The following SHCBP1L variants were observed in gnomAD, a reference collection of about 807,000 sequenced individuals.
SHCBP1L encodes testicular spindle-associated protein SHCBP1L.
In SHCBP1L, 67 loss-of-function variants were observed where a neutral mutation model predicts 62.5. That is an observed-to-expected ratio of 1.07 (90% CI 0.88 to 1.31). The LOEUF (loss-of-function observed/expected upper bound fraction) is 1.31. SHCBP1L is among the 40% of genes most tolerant of loss of function. The pLI is 0.00. For synonymous variants in SHCBP1L, 284 were observed against 289.4 expected, an observed-to-expected ratio of 0.98 and a Z score of 0.19; for missense variants, 823 against 809.8, an observed-to-expected ratio of 1.02 and a Z score of -0.20.
intron 7 of SHCBP1L, 56 bp downstream of exon 7, chr1:182,905,440 A>C (rs1237738762): frequency 2.6e-6 from 4 of 1,515,322 alleles, no homozygotes; most frequent in Middle Eastern, 3.5e-4. Context: ...TTTAGAATAC[A>C]CAATTTGTCC....
At chr1:182,940,653 G>C (rs1651331103) in intron 2 of SHCBP1L, 110 bp from the exon 3 acceptor site, 1 of 818,258 alleles carries the variant, frequency 1.2e-6, no homozygotes. Flanking sequence ...TTAAATTTAT[G>C]ACTTCTTCAA....
intron 6 of SHCBP1L, among the ~76,000 whole-genome samples, chr1:182,924,792 G>A (rs534263116): frequency 2.2e-4 from 25 of 115,794 alleles, no homozygotes; most frequent in South Asian, 6.3e-4. Flanking sequence ...AAGAAAGAGA[G>A]AAAGAAAGGA....
chr1:182,902,051 CTTTTTTTTTCTTTT>C (rs1649857582), intron 9 of SHCBP1L, among the ~76,000 whole-genome samples: 1 of 142,284 alleles, frequency 7.0e-6, no homozygotes, highest in Admixed American at 7.0e-5. Flanking sequence ...TTTTTTCTTT[CTTTTTTTTTCTTTT>C]TTTTTTTTTT....
At chr1:182,908,686 C>T (rs1650090384) in intron 6 of SHCBP1L, among the ~76,000 whole-genome samples, 1 of 152,160 alleles carries the variant, frequency 6.6e-6, no homozygotes, top group Non-Finnish European at 1.5e-5. Context: ...TATGAAAATA[C>T]TATAACAGAT....
intron 8 of SHCBP1L, 131 bp from the exon 9 acceptor site, chr1:182,903,292 T>C (rs1649901155): frequency 1.1e-5 from 7 of 609,846 alleles, no homozygotes; most frequent in South Asian, 4.6e-5. Context: ...TACGTGATCA[T>C]GCATGCAACT....
At chr1:182,936,073 T>C (rs1475241019) in intron 5 of SHCBP1L, among the ~76,000 whole-genome samples, 1 of 151,912 alleles carries the variant, frequency 6.6e-6, no homozygotes, top group Non-Finnish European at 1.5e-5. Flanking sequence ...GTCCTTTGTT[T>C]CCTTTTTCCC....
chr1:182,922,924 G>T (rs1328753727), intron 6 of SHCBP1L, among the ~76,000 whole-genome samples: 1 of 152,118 alleles, frequency 6.6e-6, no homozygotes, highest in Non-Finnish European at 1.5e-5. Context: ...ATGAATTTGA[G>T]ATGTGAAAAA....
At chr1:182,924,977 A>AGAAAGAAAG (rs1553245973) in intron 6 of SHCBP1L, among the ~76,000 whole-genome samples, 81 of 140,618 alleles carry the variant, frequency 5.8e-4, no homozygotes, top group South Asian at 2.2e-3. Flanking sequence ...AAAGAAAGAA[A>AGAAAGAAAG]AAAAAAGGAA....
In SHCBP1L at chr1:182,952,738, C is replaced by A. The variant is rs1325876958; in HGVS notation, c.396G>T (p.Gln132His). The A allele has an allele frequency of 6.2e-6, 10 of 1,609,350 alleles. No individual in the cohort carries two copies. Among genetic ancestry groups the A allele is most frequent in the Non-Finnish European group, 8.5e-6 (10 of 1,178,126 alleles). Reference sequence around the variant, plus strand: ...TCCCGGATCCGCTCACCTTACAGTCCTGCAGCACTTCGTCGCAATACAGCG... The same window carrying A: ...TCCCGGATCCGCTCACCTTACAGTCATGCAGCACTTCGTCGCAATACAGCG... ...KVSLYCDEVL[Q>H]DCKAEDADEV... Residue 132 changes from glutamine to histidine, a missense_variant, in exon 1 of 10, where the codon CAG becomes CAT. Physicochemically the swap from Gln to His is conservative, Grantham distance 24 (BLOSUM62 0). Coordinates refer to ENST00000367547, the MANE Select transcript of SHCBP1L (RefSeq NM_030933.4).
intron 5 of SHCBP1L, among the ~76,000 whole-genome samples, chr1:182,930,699 G>A (rs867568997): frequency 0.055 from 3,235 of 58,732 alleles, 312 homozygotes; most frequent in African/African-American, 0.16. Context: ...GTGTGTGTGT[G>A]TGTGTATATA....
In SHCBP1L at chr1:182,945,057, G is replaced by A. The variant is rs141897215; in HGVS notation, c.556-4514C>T. 5.2e-3 allele frequency among the ~76,000 whole-genome samples: 768 copies of A among 146,522 alleles called. 3 individuals are homozygous for A. Among genetic ancestry groups the A allele is most frequent in the African/African-American group, 0.018 (698 of 39,396 alleles). ...GCTCACTGCAACTCCTCTGCCTCCC[G>A]GGTTCAAGCAATTCTCCTGCCTCAG... On this transcript the variant is annotated intron_variant, in intron 2 of 9. Coordinates refer to ENST00000367547, the MANE Select transcript of SHCBP1L (RefSeq NM_030933.4).
In SHCBP1L at chr1:182,940,357, CATGTAT is replaced by C. The variant is rs1284281527; in HGVS notation, c.736_741del (p.Ile246_His247del). 6.2e-7 allele frequency: 1 copy of C among 1,613,764 alleles called. No individual in the cohort carries two copies. The highest frequency in any genetic ancestry group is 2.2e-5 in the East Asian group (1 of 44,834). ...ACAACTTCCAAGGCCAAAGCAATAA[CATGTAT>C]ATCAGTATCTTGTCCCTCAACAGGA... is the stretch of plus-strand genomic sequence containing the variant. On this transcript the variant is annotated inframe_deletion, in exon 3 of 10. Transcript: ENST00000367547.
chr1:182,940,926 C>T (rs944015267), intron 2 of SHCBP1L, among the ~76,000 whole-genome samples: 1 of 152,078 alleles, frequency 6.6e-6, no homozygotes, highest in Non-Finnish European at 1.5e-5. Flanking sequence ...AATCATTGCA[C>T]ACTAATCCTT....
At chr1:182,951,760 T>C (rs1283036045) in intron 1 of SHCBP1L, among the ~76,000 whole-genome samples, 1 of 152,148 alleles carries the variant, frequency 6.6e-6, no homozygotes, top group East Asian at 1.9e-4. Flanking sequence ...CTGCAGTGAA[T>C]ATGCAGGTAC....
intron 1 of SHCBP1L, among the ~76,000 whole-genome samples, chr1:182,952,211 TATATATATATATATATATATATATAC>T (rs1288851855): frequency 2.2e-4 from 11 of 50,182 alleles, no homozygotes; most frequent in South Asian, 1.9e-3. Flanking sequence ...TATATATATA[TATATATATATATATATATATATATAC>T]ACACACACAC....
chr1:182,916,136 C>T (rs1650350755), intron 6 of SHCBP1L, among the ~76,000 whole-genome samples: 1 of 151,628 alleles, frequency 6.6e-6, no homozygotes, highest in African/African-American at 2.4e-5. Flanking sequence ...ACAAATGGCT[C>T]AAAGATGAAA....
chr1:182,940,186 A>T, intron 3 of SHCBP1L, 143 bp downstream of exon 3: 1 of 586,432 alleles, frequency 1.7e-6, no homozygotes, highest in Non-Finnish European at 2.8e-6. Context: ...ACAATATGTT[A>T]ATTTAAAATG....
chr1:182,949,979 C>T (rs1651694203), intron 2 of SHCBP1L, among the ~76,000 whole-genome samples: 1 of 151,902 alleles, frequency 6.6e-6, no homozygotes, highest in South Asian at 2.1e-4. Context: ...GATGGGGTTT[C>T]ACCATGGTGC....
At chr1:182,951,238 A>G in intron 2 of SHCBP1L, 80 bp downstream of exon 2, 2 of 1,135,938 alleles carry the variant, frequency 1.8e-6, no homozygotes, top group Non-Finnish European at 1.2e-6. Flanking sequence ...TTGTGTATCA[A>G]TCTCCAAATA....
Sources: gnomAD v4.1 joint callset for allele counts (sites outside exome capture counted in the v4.1 genomes callset) on GRCh38, gnomAD v4.1.1 for gene constraint, MANE v1.5 for transcripts, NCBI Gene and HGNC (gene_info 2026-07-23, HGNC 2026-07-21) for gene names.